The following MAGI2 variants were observed in gnomAD, a reference collection of about 807,000 sequenced individuals.
The protein encoded by MAGI2 is membrane associated guanylate kinase, WW and PDZ domain containing 2.
Under a neutral mutation model 133.3 loss-of-function variants are expected in MAGI2, and 35 were observed. That is an observed-to-expected ratio of 0.26 (90% confidence interval 0.20 to 0.35). The LOEUF is 0.35. MAGI2 is among the 10% of genes least tolerant of loss of function. The pLI is 1.00. For synonymous variants in MAGI2, 729 were observed against 710.6 expected (o/e 1.03, Z -0.41); for missense variants, 1,636 against 1,863.4 (o/e 0.88, Z 2.25).
At chr7:78,231,551 G>A (rs556259008) in intron 10 of MAGI2, among the ~76,000 whole-genome samples, 59 of 152,312 alleles carry the variant, frequency 3.9e-4, no homozygotes, top group African/African-American at 1.3e-3. Flanking sequence ...TACAAGCACT[G>A]TAACACTTCT....
intron 2 of MAGI2, among the ~76,000 whole-genome samples, chr7:78,880,341 G>A (rs892498279): frequency 6.6e-6 from 1 of 152,160 alleles, no homozygotes; most frequent in African/African-American, 2.4e-5. Context: ...GTCAGATCTT[G>A]AACAAAGGGT....
At chr7:78,476,288 T>A (rs1791741943) in intron 6 of MAGI2, among the ~76,000 whole-genome samples, 1 of 151,664 alleles carries the variant, frequency 6.6e-6, no homozygotes, top group South Asian at 2.1e-4. Context: ...GGGTTGAGAG[T>A]AAATCAGCCT....
At chr7:78,704,432 T>C (rs1818395557) in intron 2 of MAGI2, among the ~76,000 whole-genome samples, 1 of 152,036 alleles carries the variant, frequency 6.6e-6, no homozygotes, top group African/African-American at 2.4e-5. Flanking sequence ...GCTAGTGAAG[T>C]TGTGGAGAAA....
intron 2 of MAGI2, among the ~76,000 whole-genome samples, chr7:78,780,424 C>A (rs1054744245): frequency 2.0e-5 from 3 of 152,192 alleles, no homozygotes; most frequent in South Asian, 4.1e-4. Flanking sequence ...TCAGTTGAAA[C>A]ATTTTCCTCA....
intron 21 of MAGI2, among the ~76,000 whole-genome samples, chr7:78,029,556 C>T (rs961371423): frequency 1.3e-5 from 2 of 152,208 alleles, no homozygotes; most frequent in Non-Finnish European, 2.9e-5. Flanking sequence ...TCAAGTAGGA[C>T]CCAAAGCCTG....
At chr7:78,448,635 C>T (rs562545183) in intron 6 of MAGI2, among the ~76,000 whole-genome samples, 2 of 152,036 alleles carry the variant, frequency 1.3e-5, no homozygotes, top group South Asian at 4.1e-4. Flanking sequence ...TCAAAAAATT[C>T]TCTTGTCTTA....
intron 15 of MAGI2, among the ~76,000 whole-genome samples, chr7:78,163,618 T>C (rs12154467): frequency 6.6e-6 from 1 of 152,138 alleles, no homozygotes; most frequent in Non-Finnish European, 1.5e-5. Flanking sequence ...GTCTGCACAG[T>C]GCTGGCCTAT....
intron 3 of MAGI2, among the ~76,000 whole-genome samples, chr7:78,564,298 T>C (rs748183451): frequency 3.3e-5 from 5 of 152,172 alleles, no homozygotes; most frequent in Non-Finnish European, 7.3e-5. Flanking sequence ...ATCTGTCACC[T>C]TGGATCAACC....
At chr7:78,552,099 G>A (rs761124894) in intron 3 of MAGI2, among the ~76,000 whole-genome samples, 1 of 151,438 alleles carries the variant, frequency 6.6e-6, no homozygotes, top group African/African-American at 2.4e-5. Flanking sequence ...CAATCTTATT[G>A]GGCAATTCGA....
At chr7:79,336,801 A>T (rs1840469030) in intron 1 of MAGI2, among the ~76,000 whole-genome samples, 1 of 152,140 alleles carries the variant, frequency 6.6e-6, no homozygotes, top group South Asian at 2.1e-4. Context: ...TAAAGGCTGA[A>T]TAAAAATACA....
In MAGI2 at chr7:78,732,291, C is replaced by G. The variant is rs113315102; in HGVS notation, c.419-105052G>C. On this transcript the variant is annotated intron_variant, in intron 2 of 21. Transcript: ENST00000354212. ...TCACCTAGTTTTTGAAGACTCTGAG[C>G]CCCAGATATGTCCTATGAGGACAGA... Among the ~76,000 whole-genome samples, 1,052 of 152,150 alleles carry G rather than the reference C, an allele frequency of 6.9e-3. 6 individuals are homozygous for G. Among genetic ancestry groups the G allele is most frequent in the Non-Finnish European group, 9.7e-3 (659 of 67,962 alleles).
At chr7:78,140,622 T>G (rs1822646764) in intron 16 of MAGI2, among the ~76,000 whole-genome samples, 1 of 152,246 alleles carries the variant, frequency 6.6e-6, no homozygotes, top group Non-Finnish European at 1.5e-5. Flanking sequence ...TTAGAATCTG[T>G]GACCTGATGT....
At chr7:78,767,159 G>C (rs988086361) in intron 2 of MAGI2, among the ~76,000 whole-genome samples, 1 of 151,726 alleles carries the variant, frequency 6.6e-6, no homozygotes, top group African/African-American at 2.4e-5. Flanking sequence ...CTGGCTAATT[G>C]TTTTGTATTT....
intron 1 of MAGI2, among the ~76,000 whole-genome samples, chr7:79,113,180 C>T (rs1158795489): frequency 2.0e-5 from 3 of 152,178 alleles, no homozygotes; most frequent in Non-Finnish European, 4.4e-5. Context: ...TTGTCAGTAT[C>T]ACTTCCTCAG....
At chr7:78,902,110 T>C (rs1170951817) in intron 2 of MAGI2, among the ~76,000 whole-genome samples, 1 of 152,194 alleles carries the variant, frequency 6.6e-6, no homozygotes, top group Non-Finnish European at 1.5e-5. Flanking sequence ...CAGACAACTT[T>C]ATAGTTGTTA....
intron 3 of MAGI2, among the ~76,000 whole-genome samples, chr7:78,531,102 G>A (rs1052460421): frequency 2.0e-5 from 3 of 151,994 alleles, no homozygotes; most frequent in East Asian, 1.9e-4. Context: ...TTTGGAAAAC[G>A]GTACTGAATA....
chr7:79,374,133 G>C (rs1843227146), intron 1 of MAGI2, among the ~76,000 whole-genome samples: 1 of 151,882 alleles, frequency 6.6e-6, no homozygotes, highest in Admixed American at 6.6e-5. Flanking sequence ...TAAATACATT[G>C]GGAAATATGT....
chr7:79,003,652 A>G (rs191786543), intron 2 of MAGI2, among the ~76,000 whole-genome samples: 6 of 152,318 alleles, frequency 3.9e-5, no homozygotes, highest in African/African-American at 1.2e-4. Flanking sequence ...GTTTCTAACA[A>G]TGGCAGGATT....
Position 79,263,984 on chromosome 7 carries a change from C to T in MAGI2, c.301+189036G>A, listed in dbSNP as rs1324857735. Among the ~76,000 whole-genome samples the T allele has an allele frequency of 2.6e-5, 4 of 152,190 alleles. No individual in the cohort carries two copies. In the East Asian group the frequency reaches 7.7e-4, roughly 29 times the overall value. On this transcript the variant is annotated intron_variant, in intron 1 of 21. Coordinates refer to ENST00000354212, the MANE Select transcript of MAGI2 (RefSeq NM_012301.4). ...CTCAAACAAAATTTTACTTTAAGGTCTATGGCAGAAATGTAATGAGAGTCA... is the reference window on the plus strand; with the variant it reads ...CTCAAACAAAATTTTACTTTAAGGTTTATGGCAGAAATGTAATGAGAGTCA...
Sources: gnomAD v4.1 joint callset for allele counts (sites outside exome capture counted in the v4.1 genomes callset) on GRCh38, gnomAD v4.1.1 for gene constraint, MANE v1.5 for transcripts, NCBI Gene and HGNC (gene_info 2026-07-23, HGNC 2026-07-21) for gene names.